FAM13B: variants seen among roughly 807,000 people sequenced by gnomAD.
The protein encoded by FAM13B is protein FAM13B.
A neutral mutation model predicts 117.3 loss-of-function variants in FAM13B; 60 were observed. The ratio of observed to expected loss-of-function variants is 0.51; its 90% CI spans 0.42 to 0.63. FAM13B has a LOEUF of 0.63. Ranked by LOEUF, FAM13B falls within the 30% of genes least tolerant of loss-of-function variation. FAM13B has a pLI of 0.00. For missense variants in FAM13B, 972 were observed against 1,091.9 expected, an observed-to-expected ratio of 0.89 and a Z score of 1.55; for synonymous variants, 332 against 356.1, an observed-to-expected ratio of 0.93 and a Z score of 0.76.
At chr5:137,952,146 TG>T (rs1265251294) in intron 17 of FAM13B, among the ~76,000 whole-genome samples, 1 of 152,200 alleles carries the variant, frequency 6.6e-6, no homozygotes, top group African/African-American at 2.4e-5. Flanking sequence ...ATTACTATAC[TG>T]GTTTGACACC....
intron 5 of FAM13B, among the ~76,000 whole-genome samples, 191 bp downstream of exon 5, chr5:138,011,577 G>T (rs1784030262): frequency 6.6e-6 from 1 of 151,930 alleles, no homozygotes; most frequent in African/African-American, 2.4e-5. Context: ...CCGCCACCAT[G>T]CCCAGCTAGT....
At chr5:137,947,805 G>A (rs1295373227) in intron 18 of FAM13B, among the ~76,000 whole-genome samples, 1 of 152,010 alleles carries the variant, frequency 6.6e-6, no homozygotes, top group Non-Finnish European at 1.5e-5. Flanking sequence ...GGCTGGTCTC[G>A]AACTCCTGAC....
At chr5:137,976,486 T>C (rs73299246) in intron 10 of FAM13B, among the ~76,000 whole-genome samples, 4 of 152,238 alleles carry the variant, frequency 2.6e-5, no homozygotes, top group South Asian at 2.1e-4. Flanking sequence ...AACCTAAATA[T>C]AAGAACATAT....
At position 137,959,694 on chromosome 5, in the gene FAM13B, C is replaced by A; in HGVS notation, c.1363G>T (p.Gly455Cys). 1.2e-6 allele frequency: 2 copies of A among 1,613,976 alleles called. No individual in the cohort carries two copies. The highest frequency in any genetic ancestry group is 1.7e-6 in the Non-Finnish European group (2 of 1,179,872). Residue 455 changes from glycine to cysteine, a missense_variant, in exon 13 of 24, where the codon GGT (glycine) becomes TGT (cysteine). Transcript: ENST00000689681. The stretch of plus-strand genomic sequence containing the variant: ...ACACACGCTGCTTCCCCTTGAACAC[C>A]AACACTCTGACCTCCTGGTACTTCT... ...ESEVPGGQSVGVQGEAACVSI... is the reference protein window; with the variant it reads ...ESEVPGGQSVCVQGEAACVSI...
intron 10 of FAM13B, among the ~76,000 whole-genome samples, chr5:137,967,856 G>A (rs1770553720): frequency 6.6e-6 from 1 of 152,066 alleles, no homozygotes. Context: ...TCATGCCACT[G>A]CACTGCAGCC....
chr5:137,964,798 TA>T (rs796715272), intron 10 of FAM13B, among the ~76,000 whole-genome samples: 10 of 152,094 alleles, frequency 6.6e-5, no homozygotes, highest in African/African-American at 2.4e-4. Flanking sequence ...TCATCACAAA[TA>T]TGAGAATAAC....
chr5:138,018,754 C>T (rs1031228334), intron 3 of FAM13B, among the ~76,000 whole-genome samples: 5 of 152,016 alleles, frequency 3.3e-5, no homozygotes, highest in African/African-American at 1.2e-4. Flanking sequence ...CCCACTAAAA[C>T]TTGTTCTAGG....
chr5:138,005,481 C>A (rs1782313963), intron 7 of FAM13B, among the ~76,000 whole-genome samples: 1 of 150,100 alleles, frequency 6.7e-6, no homozygotes, highest in Non-Finnish European at 1.5e-5. Context: ...TTTTTAGTAG[C>A]AGTACAGTAC....
At position 138,030,368 on chromosome 5, in the gene FAM13B, C is replaced by A. The variant is rs563019213; in HGVS notation, c.-203+2414G>T. 2.0e-5 allele frequency among the ~76,000 whole-genome samples: 3 copies of A among 152,016 alleles called. No individual in the cohort carries two copies. The South Asian group carries it at 6.2e-4, about 32-fold the overall frequency. ...CTCAAGCAATCCTCCCACCTCAGCT[C>A]CCTGAGCAGCTGGGACAACAGGAGC... On this transcript the variant is annotated intron_variant, in intron 1 of 23. Transcript: ENST00000689681.
At position 137,994,843 on chromosome 5, in the gene FAM13B, A is replaced by G. The variant is rs1479060259; in HGVS notation, c.849-6528T>C. Among the ~76,000 whole-genome samples, 6 of 152,368 alleles carry G rather than the reference A, an allele frequency of 3.9e-5. No individual in the cohort carries two copies. In the South Asian group the frequency reaches 8.3e-4, roughly 21 times the overall value. ...ACGATGACATAATCATCTTGAGAAC[A>G]TAAGATCAATCTTGCAACCACTTAC... On this transcript the variant is annotated intron_variant, in intron 7 of 23. Transcript: ENST00000689681.
At chr5:137,970,128 C>T (rs1200396342) in intron 10 of FAM13B, among the ~76,000 whole-genome samples, 3 of 151,742 alleles carry the variant, frequency 2.0e-5, no homozygotes, top group Non-Finnish European at 2.9e-5. Flanking sequence ...AGATACTCCT[C>T]GAGAAGAGCA....
intron 19 of FAM13B, 70 bp from the exon 20 acceptor site, chr5:137,946,067 C>T: frequency 7.2e-7 from 1 of 1,382,582 alleles, no homozygotes; most frequent in Non-Finnish European, 1.0e-6. Context: ...TAAACAATGA[C>T]TTATTCGCCC....
upstream of FAM13B, chr5:138,037,118 C>T (rs190824951): frequency 2.8e-4 from 48 of 171,352 alleles, no homozygotes; most frequent in Admixed American, 2.6e-3. Context: ...TAGATGGAAA[C>T]GTCACATTTC....
chr5:137,954,505 T>TATAC, intron 14 of FAM13B, 129 bp from the exon 15 acceptor site: 1 of 416,632 alleles, frequency 2.4e-6, no homozygotes. Context: ...CATACACACA[T>TATAC]ACACACACAC....
intron 10 of FAM13B, among the ~76,000 whole-genome samples, chr5:137,978,978 A>AT (rs377314976): frequency 2.2e-5 from 3 of 135,596 alleles, no homozygotes; most frequent in Non-Finnish European, 4.8e-5. Flanking sequence ...AATTTTCTCT[A>AT]TTTTTCCTTC....
rs1322412154 is a variant in FAM13B at position 138,018,338 on chromosome 5, C to T, written c.334G>A (p.Gly112Ser). ...LQELPEPVIPGSLHIHLMQLS... is the reference protein window; with the variant it reads ...LQELPEPVIPSSLHIHLMQLS... ...TGCATCAAGTGAATATGTAAACTGCCAGGGATAACAGGTTCAGGAAGTTCT... is the reference window on the plus strand; with the variant it reads ...TGCATCAAGTGAATATGTAAACTGCTAGGGATAACAGGTTCAGGAAGTTCT... Residue 112 changes from glycine to serine, a missense_variant, in exon 4 of 24, where the codon GGC (glycine) becomes AGC (serine). Coordinates refer to ENST00000689681, the MANE Select transcript of FAM13B (RefSeq NM_001385994.1). 6.2e-7 allele frequency: 1 copy of T among 1,614,086 alleles called. No homozygotes were observed. The highest frequency in any genetic ancestry group is 8.5e-7 in the Non-Finnish European group (1 of 1,179,998).
chr5:138,043,644 T>C (rs982043810), intron 1 of FAM13B, among the ~76,000 whole-genome samples: 1 of 151,992 alleles, frequency 6.6e-6, no homozygotes, highest in African/African-American at 2.4e-5. Context: ...TTCACCATGT[T>C]GGTCAGACTG....
upstream of FAM13B, chr5:138,036,720 ATTACT>A (rs916067976): frequency 3.5e-5 from 13 of 372,366 alleles, no homozygotes; most frequent in African/African-American, 2.1e-4. Flanking sequence ...TATCTCAGAA[ATTACT>A]TTAGTTTTTT....
In FAM13B at chr5:137,985,365, A is replaced by G. The variant is rs758729442; in HGVS notation, c.1071T>C (p.Ile357=). 6.2e-7 allele frequency: 1 copy of G among 1,613,884 alleles called. No individual in the cohort carries two copies. Among genetic ancestry groups the G allele is most frequent in the South Asian group, 1.1e-5 (1 of 91,054 alleles). Residue 357 remains isoleucine (I), a synonymous_variant, in exon 10 of 24, where the codon ATT becomes ATC. Transcript: ENST00000689681. ...NNQIDIADDI[I]NASESNRDCS... The stretch of plus-strand genomic sequence containing the variant: ...AGTCTCTGTTACTTTCACTGGCATT[A>G]ATAATATCATCAGCAATATCAATCC...
Sources: gnomAD v4.1 joint callset for allele counts (sites outside exome capture counted in the v4.1 genomes callset) on GRCh38, gnomAD v4.1.1 for gene constraint, MANE v1.5 for transcripts, NCBI Gene and HGNC (gene_info 2026-07-23, HGNC 2026-07-21) for gene names.